CTDSPL2: variants seen among roughly 807,000 people sequenced by gnomAD.
CTDSPL2 encodes the protein CTD small phosphatase like 2.
CTDSPL2 carries 5 observed loss-of-function variants against 60.0 expected under a neutral mutation model. The observed-to-expected ratio is 0.08, with a 90% CI of 0.04 to 0.18. The LOEUF is 0.18. CTDSPL2 is among the 10% of genes least tolerant of loss of function. CTDSPL2 has a pLI of 1.00. For missense variants in CTDSPL2, 370 were observed against 548.8 expected, an observed-to-expected ratio of 0.67 and a Z score of 3.26; for synonymous variants, 186 against 189.3, an observed-to-expected ratio of 0.98 and a Z score of 0.14.
intron 8 of CTDSPL2, among the ~76,000 whole-genome samples, chr15:44,508,704 C>T (rs147637647): frequency 2.0e-5 from 3 of 152,176 alleles, no homozygotes; most frequent in South Asian, 2.1e-4. Context: ...GGGTGGATCA[C>T]GAGGTCAGGA....
At chr15:44,470,236 A>G (rs936424895) in intron 2 of CTDSPL2, among the ~76,000 whole-genome samples, 13 of 152,080 alleles carry the variant, frequency 8.5e-5, no homozygotes, top group African/African-American at 2.9e-4. Flanking sequence ...TTATCTGTCA[A>G]TATTTGCTTC....
intron 1 of CTDSPL2, among the ~76,000 whole-genome samples, chr15:44,433,232 T>G (rs1232420454): frequency 6.6e-6 from 1 of 151,098 alleles, no homozygotes; most frequent in Non-Finnish European, 1.5e-5. Context: ...GGGGAATTGC[T>G]TGAGCCCAGG....
intron 7 of CTDSPL2, 133 bp downstream of exon 7, chr15:44,497,271 C>G (rs2081315707): frequency 5.7e-6 from 3 of 526,134 alleles, no homozygotes; most frequent in Non-Finnish European, 1.0e-5. Context: ...TTTGGGTCAA[C>G]TTAATTAACC....
chr15:44,489,816 G>A (rs2081186373), intron 4 of CTDSPL2, among the ~76,000 whole-genome samples: 1 of 152,206 alleles, frequency 6.6e-6, no homozygotes, highest in Non-Finnish European at 1.5e-5. Flanking sequence ...GAGGATAAGT[G>A]AAGAATTATA....
In CTDSPL2 at chr15:44,490,903, G is replaced by C. The variant is rs1688398965; in HGVS notation, c.595G>C (p.Ala199Pro). The C allele has an allele frequency of 3.7e-6, 6 of 1,614,060 alleles. No homozygotes were observed. Among genetic ancestry groups the C allele is most frequent in the Non-Finnish European group, 3.4e-6 (4 of 1,179,970 alleles). The change falls in exon 5 of 13, where the codon GCT becomes CCT. Residue 199 changes from alanine (A) to proline (P), a missense_variant. Physicochemically the swap from Ala to Pro is conservative, Grantham distance 27 (BLOSUM62 -1). Coordinates refer to ENST00000260327, the MANE Select transcript of CTDSPL2 (RefSeq NM_016396.3). ...TACTACTACATCAACTAATGGAGCA[G>C]CTTACTCAAATCAAGCAGTTCAAGT... ...TSTTTSTNGA[A>P]YSNQAVQVRP...
At position 44,528,728 on chromosome 15, in the gene CTDSPL2, A is replaced by AT. The variant is rs1234097771; in HGVS notation, c.*4561dup. ...TATATTATCTGTAAAATATTTCACT[A>AT]TTTTTTTATTTTATAAATCTTTGTA... On this transcript the variant is annotated 3_prime_UTR_variant, in exon 13 of 13. Transcript: ENST00000260327. 2 of 151,886 alleles carry AT rather than the reference A, an allele frequency of 1.3e-5. No individual in the cohort carries two copies. Among genetic ancestry groups the AT allele is most frequent in the Non-Finnish European group, 2.9e-5 (2 of 67,968 alleles). 9.4% of individuals were successfully genotyped at this position (151,886 alleles called of 1,614,324 possible).
intron 10 of CTDSPL2, among the ~76,000 whole-genome samples, chr15:44,517,073 C>T (rs1412599601): frequency 2.6e-5 from 4 of 151,300 alleles, no homozygotes; most frequent in Admixed American, 6.6e-5. Context: ...CTCCTGACCT[C>T]GTGATCCGCC....
At chr15:44,479,348 G>T (rs1453184272) in intron 2 of CTDSPL2, among the ~76,000 whole-genome samples, 2 of 138,754 alleles carry the variant, frequency 1.4e-5, no homozygotes, top group African/African-American at 5.4e-5. Context: ...GAATTTTTTT[G>T]TTCTGTTTCT....
chr15:44,464,129 C>T (rs1042128507), intron 2 of CTDSPL2, among the ~76,000 whole-genome samples: 1 of 152,196 alleles, frequency 6.6e-6, no homozygotes, highest in Non-Finnish European at 1.5e-5. Flanking sequence ...CCTGTCTCAG[C>T]TTCCCGAGTA....
At chr15:44,437,205 TC>T (rs1322005927) in intron 1 of CTDSPL2, among the ~76,000 whole-genome samples, 1 of 152,218 alleles carries the variant, frequency 6.6e-6, no homozygotes, top group African/African-American at 2.4e-5. Flanking sequence ...TTTCAGATTT[TC>T]CTAGTAGGGA....
At chr15:44,440,633 CAA>C (rs1230053010) in intron 1 of CTDSPL2, among the ~76,000 whole-genome samples, 1 of 151,956 alleles carries the variant, frequency 6.6e-6, no homozygotes, top group Non-Finnish European at 1.5e-5. Flanking sequence ...CTCATCTTTG[CAA>C]AAAATTTAAT....
At chr15:44,504,086 G>A (rs745445900) in intron 8 of CTDSPL2, among the ~76,000 whole-genome samples, 9 of 152,138 alleles carry the variant, frequency 5.9e-5, no homozygotes, top group South Asian at 2.1e-4. Context: ...AGTGGCTCAC[G>A]CCTGTAATCC....
chr15:44,459,168 A>T lies in CTDSPL2; in HGVS notation c.154A>T (p.Ile52Phe). 6.2e-7 allele frequency: 1 copy of T among 1,607,608 alleles called. No individual in the cohort carries two copies. The highest frequency in any genetic ancestry group is 8.5e-7 in the Non-Finnish European group (1 of 1,177,710). The change falls in exon 2 of 13, where the codon ATT (isoleucine) becomes TTT (phenylalanine). Residue 52 changes from isoleucine (I) to phenylalanine (F), a missense_variant. Physicochemically the swap from Ile to Phe is conservative, Grantham distance 21. Coordinates refer to ENST00000260327, the MANE Select transcript of CTDSPL2 (RefSeq NM_016396.3). Reference protein sequence around the residue: ...SKNETGLLSSIKKFIKGSTPK... With the variant: ...SKNETGLLSSFKKFIKGSTPK... ...GAATGAAACCGGCTTGTTGTCTTCA[A>T]TTAAAAAATTTATTAAAGGAAGCAC...
intron 8 of CTDSPL2, among the ~76,000 whole-genome samples, chr15:44,506,479 C>T (rs989076775): frequency 7.0e-6 from 1 of 141,852 alleles, no homozygotes; most frequent in Non-Finnish European, 1.5e-5. Flanking sequence ...TGCATTGACA[C>T]AATCTCTGCT....
chr15:44,445,840 TG>T (rs2080200585), intron 1 of CTDSPL2, among the ~76,000 whole-genome samples: 2 of 151,350 alleles, frequency 1.3e-5, no homozygotes, highest in South Asian at 4.2e-4. Context: ...GGTTTCACTT[TG>T]TTGGCCAGGC....
At chr15:44,516,220 G>A (rs1842229533) in intron 10 of CTDSPL2, among the ~76,000 whole-genome samples, 1 of 151,914 alleles carries the variant, frequency 6.6e-6, no homozygotes, top group South Asian at 2.1e-4. Context: ...CACCCACTTT[G>A]GCCTCCCAAA....
At chr15:44,458,214 T>A (rs1432460463) in intron 1 of CTDSPL2, among the ~76,000 whole-genome samples, 2 of 152,272 alleles carry the variant, frequency 1.3e-5, no homozygotes, top group African/African-American at 4.8e-5. Context: ...TAGCCATGAT[T>A]GGAGTAGGAT....
chr15:44,441,547 G>C (rs1038683593), intron 1 of CTDSPL2, among the ~76,000 whole-genome samples: 2 of 152,166 alleles, frequency 1.3e-5, no homozygotes, highest in African/African-American at 4.8e-5. Context: ...TCAGCAGTTT[G>C]TTAACAATTT....
chr15:44,494,272 T>G (rs1267864406), intron 5 of CTDSPL2, among the ~76,000 whole-genome samples: 1 of 152,198 alleles, frequency 6.6e-6, no homozygotes, highest in African/African-American at 2.4e-5. Flanking sequence ...GAATTACTTC[T>G]TGATCATTTT....
Sources: gnomAD v4.1 joint callset for allele counts (sites outside exome capture counted in the v4.1 genomes callset) on GRCh38, gnomAD v4.1.1 for gene constraint, MANE v1.5 for transcripts, NCBI Gene and HGNC (gene_info 2026-07-23, HGNC 2026-07-21) for gene names.